Variants in DOCK1 observed in about 807,000 individuals in gnomAD.
DOCK1 encodes dedicator of cytokinesis 1.
Under a neutral mutation model 262.7 loss-of-function variants are expected in DOCK1, and 138 were observed. The ratio of observed to expected loss-of-function variants is 0.53; its 90% confidence interval spans 0.46 to 0.61. DOCK1 has a LOEUF of 0.61. Among genes scored for constraint, DOCK1 ranks in the 20% least tolerant of loss-of-function variants. The probability of loss-of-function intolerance (pLI) is 0.00; values close to 1 mark genes in which losing one functional copy is unlikely to be tolerated. For synonymous variants in DOCK1, 866 were observed against 867.4 expected (o/e 1.00, Z 0.03); for missense variants, 1,908 against 2,370.7 (o/e 0.80, Z 4.05).
intron 18 of DOCK1, among the ~76,000 whole-genome samples, chr10:127,033,066 AC>A (rs1301777223): frequency 6.6e-6 from 1 of 152,196 alleles, no homozygotes; most frequent in African/African-American, 2.4e-5. Flanking sequence ...GTCTGTCGAT[AC>A]GGGAATAGTG....
intron 6 of DOCK1, among the ~76,000 whole-genome samples, chr10:126,992,737 GACACACACAC>G (rs34596370): frequency 1.5e-5 from 2 of 133,338 alleles, no homozygotes; most frequent in Non-Finnish European, 3.3e-5. Flanking sequence ...CCCCAACACA[GACACACACAC>G]ACACACACAC....
intron 27 of DOCK1, among the ~76,000 whole-genome samples, chr10:127,197,577 A>G (rs1462713399): frequency 1.3e-5 from 2 of 152,192 alleles, no homozygotes; most frequent in Non-Finnish European, 2.9e-5. Flanking sequence ...TTTCTCAGGA[A>G]AGGTCAGAGA....
intron 38 of DOCK1, among the ~76,000 whole-genome samples, chr10:127,396,230 G>A (rs979575826): frequency 6.7e-6 from 1 of 148,224 alleles, no homozygotes; most frequent in Non-Finnish European, 1.5e-5. Flanking sequence ...CCAGTTCACA[G>A]CTGCAGTGAT....
chr10:126,996,085 T>C (rs1175461474), intron 6 of DOCK1, among the ~76,000 whole-genome samples: 1 of 152,124 alleles, frequency 6.6e-6, no homozygotes, highest in African/African-American at 2.4e-5. Flanking sequence ...TGTGTACATA[T>C]GTAGTATGCC....
intron 46 of DOCK1, among the ~76,000 whole-genome samples, chr10:127,423,496 G>A (rs1250232725): frequency 3.3e-5 from 5 of 152,148 alleles, no homozygotes; most frequent in African/African-American, 7.2e-5. Context: ...GTAGGTTTGC[G>A]GCTGGCACCA....
At chr10:126,932,715 TCACTGGTAGAGGTGGGCG>T (rs1305864065) in intron 1 of DOCK1, among the ~76,000 whole-genome samples, 1 of 152,084 alleles carries the variant, frequency 6.6e-6, no homozygotes, top group Middle Eastern at 3.2e-3. Context: ...ACCACGGCCC[TCACTGGTAGAGGTGGGCG>T]CACTGGGCCA....
intron 29 of DOCK1, among the ~76,000 whole-genome samples, chr10:127,320,812 C>T (rs1003717364): frequency 6.6e-6 from 1 of 152,086 alleles, no homozygotes; most frequent in Non-Finnish European, 1.5e-5. Context: ...TCTGGGGCTC[C>T]GAGTCATCTG....
intron 25 of DOCK1, among the ~76,000 whole-genome samples, chr10:127,110,876 A>T (rs547779902): frequency 1.4e-4 from 21 of 151,906 alleles, no homozygotes; most frequent in Non-Finnish European, 2.5e-4. Flanking sequence ...TTTAGTAATC[A>T]TTTTTTTTCT....
chr10:127,354,344 G>A (rs10764990), intron 31 of DOCK1, among the ~76,000 whole-genome samples: 95,725 of 152,090 alleles, frequency 0.63, 30,682 homozygotes, highest in Middle Eastern at 0.76. Flanking sequence ...AGACGCTAAC[G>A]ACATGCATGG....
At position 127,032,256 on chromosome 10, in the gene DOCK1, C is replaced by T. The variant is rs371316768; in HGVS notation, c.1848C>T (p.Cys616=). Residue 616 remains cysteine (C), a synonymous_variant, in exon 18 of 52, where the codon TGC becomes TGT. Transcript: ENST00000623213. ...TGKSMQSLGS[C]TISKDSFQIS... ...AGAGCATGCAGAGCCTTGGGAGCTGCACCATTAGCAAGGACTCCTTCCAGA... is the reference window on the plus strand; with the variant it reads ...AGAGCATGCAGAGCCTTGGGAGCTGTACCATTAGCAAGGACTCCTTCCAGA... 4.8e-5 allele frequency: 76 copies of T among 1,597,732 alleles called. No homozygotes were observed. Among genetic ancestry groups the T allele is most frequent in the Non-Finnish European group, 6.1e-5 (72 of 1,173,006 alleles).
intron 1 of DOCK1, among the ~76,000 whole-genome samples, chr10:126,945,430 G>T: frequency 6.6e-6 from 1 of 151,984 alleles, no homozygotes; most frequent in South Asian, 2.1e-4. Flanking sequence ...CGGAGAGGGG[G>T]AGAGGGAAAG....
At chr10:127,214,805 A>T (rs544879739) in intron 27 of DOCK1, among the ~76,000 whole-genome samples, 2 of 152,284 alleles carry the variant, frequency 1.3e-5, no homozygotes, top group South Asian at 4.2e-4. Context: ...CTACACAGCA[A>T]TAGTAATATG....
At chr10:126,998,293 G>C (rs1325295090) in intron 8 of DOCK1, 44 bp downstream of exon 8, 2 of 1,610,480 alleles carry the variant, frequency 1.2e-6, no homozygotes, top group Admixed American at 1.7e-5. Context: ...TTTGGTTAGT[G>C]TTAGGAACTT....
chr10:127,300,342 G>A (rs769182761), intron 29 of DOCK1, among the ~76,000 whole-genome samples: 2 of 152,166 alleles, frequency 1.3e-5, no homozygotes, highest in Non-Finnish European at 2.9e-5. Context: ...CTCTTCTAAA[G>A]CTTCTTGGGA....
At chr10:126,999,099 C>A (rs558421858) in intron 8 of DOCK1, among the ~76,000 whole-genome samples, 38 of 151,620 alleles carry the variant, frequency 2.5e-4, no homozygotes, top group African/African-American at 7.7e-4. Flanking sequence ...AAAAAAAAAA[C>A]CAACTTAGAA....
chr10:127,388,738 A>T (rs74590897), intron 38 of DOCK1, among the ~76,000 whole-genome samples: 6,157 of 152,224 alleles, frequency 0.04, 178 homozygotes, highest in Middle Eastern at 0.075. Flanking sequence ...TTCTGCCCCA[A>T]AATGACAGTG....
intron 29 of DOCK1, among the ~76,000 whole-genome samples, chr10:127,270,883 T>C (rs1214988610): frequency 6.6e-6 from 1 of 152,232 alleles, no homozygotes; most frequent in Non-Finnish European, 1.5e-5. Flanking sequence ...TCGCCTTTCC[T>C]TAATATCTGA....
chr10:127,343,725 A>G lies in DOCK1; in HGVS notation c.3203A>G (p.Lys1068Arg). Residue 1068 changes from lysine (K) to arginine (R), a missense_variant, in exon 31 of 52, where the codon AAG becomes AGG. By Grantham distance (26) the Lys-to-Arg change is conservative. This residue lies in a region of DOCK1 where 518 missense variants were observed against 575.1 expected (regional missense o/e 0.90). Transcript: ENST00000623213. ...CAACTGGAGAATTTTTCAAGTGCCA[A>G]GAGAGCCAAAATCCTTAACAAGTAA... is the stretch of plus-strand genomic sequence containing the variant. ...SLQLENFSSA[K>R]RAKILNKYGD... 1.2e-6 allele frequency: 2 copies of G among 1,609,130 alleles called. No homozygotes were observed. Among genetic ancestry groups the G allele is most frequent in the African/African-American group, 1.3e-5 (1 of 75,018 alleles).
chr10:127,046,336 TCTGCAGA>T (rs2044344861), intron 21 of DOCK1, among the ~76,000 whole-genome samples: 1 of 152,158 alleles, frequency 6.6e-6, no homozygotes. Context: ...AGCAGGAGGA[TCTGCAGA>T]CTTCGCCTCT....
Sources: allele counts gnomAD v4.1 joint callset (sites outside exome capture counted in the v4.1 genomes callset), GRCh38; gene constraint gnomAD v4.1.1; regional missense constraint gnomAD v4.1.1; transcripts MANE v1.5; gene names NCBI Gene and HGNC (gene_info 2026-07-23, HGNC 2026-07-21).